Variants in ATP2A1 observed in about 807,000 individuals in gnomAD.
The protein encoded by ATP2A1 is ATPase sarcoplasmic/endoplasmic reticulum Ca2+ transporting 1.
ATP2A1 carries 83 observed loss-of-function variants against 109.5 expected under a neutral mutation model. That is an observed-to-expected ratio of 0.76 (90% confidence interval 0.63 to 0.91). The LOEUF is 0.91. ATP2A1 is among the 40% of genes least tolerant of loss of function. The pLI is 0.00. For synonymous variants in ATP2A1, 505 were observed against 537.6 expected, an observed-to-expected ratio of 0.94 and a Z score of 0.84; for missense variants, 1,101 against 1,341.0, an observed-to-expected ratio of 0.82 and a Z score of 2.80.
Position 28,883,889 on chromosome 16 carries a change from T to G in ATP2A1, c.464-686T>G, listed in dbSNP as rs375105278. On this transcript the variant is annotated intron_variant, in intron 5 of 22. Transcript: ENST00000395503. The surrounding 1 kb of genome is among the most constrained non-coding windows in gnomAD (Gnocchi z 5.2). ...TCCCTGAGATGCTCAGACCGGGCTG[T>G]CAGGTTCCCGATATGTGGTCCTCTC... is the stretch of plus-strand genomic sequence containing the variant. Among the ~76,000 whole-genome samples the G allele has an allele frequency of 3.9e-5, 6 of 152,206 alleles. No homozygotes were observed. In the South Asian group the frequency reaches 1.2e-3, roughly 32 times the overall value.
chr16:28,880,932 G>A lies in ATP2A1; in HGVS notation c.237G>A (p.Glu79=), dbSNP rs867659082. ...CTCCCCAGGTGCTGGCCTGGTTTGA[G>A]GAAGGTGAAGAGACCATCACTGCCT... ...ACISFVLAWF[E]EGEETITAFV... is the part of the protein sequence containing the mutation. Residue 79 remains glutamate (E), a synonymous_variant, in exon 4 of 23, where the codon GAG becomes GAA. Coordinates refer to ENST00000395503, the MANE Select transcript of ATP2A1 (RefSeq NM_004320.6). The surrounding 1 kb of genome is among the most constrained non-coding windows in gnomAD (Gnocchi z 4.2). 1 of 1,614,204 alleles carries A rather than the reference G, an allele frequency of 6.2e-7. No homozygotes were observed. The highest frequency in any genetic ancestry group is 1.1e-5 in the South Asian group (1 of 91,080).
chr16:28,891,662 C>T (rs968494373), intron 9 of ATP2A1, among the ~76,000 whole-genome samples: 6 of 149,896 alleles, frequency 4.0e-5, no homozygotes, highest in Non-Finnish European at 7.4e-5. Context: ...GAGGCCAAGG[C>T]GGACGGATTA....
At chr16:28,892,385 C>T (rs983618292) in intron 9 of ATP2A1, 5 of 386,472 alleles carry the variant, frequency 1.3e-5, no homozygotes, top group Admixed American at 8.4e-5. Context: ...CACCCATGAA[C>T]TAGAAATTGC....
At chr16:28,887,838 T>C (rs1468613485) in intron 8 of ATP2A1, 116 bp downstream of exon 8, 10 of 1,362,812 alleles carry the variant, frequency 7.3e-6, no homozygotes, top group Non-Finnish European at 1.0e-5. Context: ...TCTTGCTCTG[T>C]CACCCAGGCT....
At chr16:28,884,461 C>T in intron 5 of ATP2A1, 114 bp from the exon 6 acceptor site, 1 of 1,047,186 alleles carries the variant, frequency 9.5e-7, no homozygotes, top group Admixed American at 1.9e-5. Flanking sequence ...TGGGAGCCTC[C>T]CTGAGACCTG....
rs552655749 is a variant in ATP2A1 at position 28,900,322 on chromosome 16, T to TA, written c.1765-258dup. 1.3e-4 allele frequency among the ~76,000 whole-genome samples: 20 copies of TA among 151,516 alleles called. No homozygotes were observed. The East Asian group carries it at 3.9e-3, about 29-fold the overall frequency. On this transcript the variant is annotated intron_variant, in intron 14 of 22. Coordinates refer to ENST00000395503, the MANE Select transcript of ATP2A1 (RefSeq NM_004320.6). ...ATACCCTGTCTCAAAAAAAAAAAGA[T>TA]ACGATCTGACCCATGATGGGCCTGG... is the stretch of plus-strand genomic sequence containing the variant.
intron 10 of ATP2A1, 53 bp downstream of exon 10, chr16:28,894,296 C>G (rs1003146865): frequency 9.0e-6 from 14 of 1,547,258 alleles, no homozygotes; most frequent in Non-Finnish European, 1.2e-5. Flanking sequence ...TCCCACACCC[C>G]CTTTCTCCCT....
In ATP2A1 at chr16:28,902,537, A is replaced by G. The variant is rs761993123; in HGVS notation, c.2525-43A>G. On this transcript the variant is annotated intron_variant, in intron 17 of 22. Coordinates refer to ENST00000395503, the MANE Select transcript of ATP2A1 (RefSeq NM_004320.6). This position sits in a 1 kb window ranked among gnomAD's most constrained non-coding sequence, Gnocchi z 4.8. ...AGGCCCTCAACCCTCGATGCCCCCT[A>G]TCTCCCCAGCCCTGACCCCCGACTC... The G allele has an allele frequency of 1.4e-5, 22 of 1,600,106 alleles. No individual in the cohort carries two copies. Among genetic ancestry groups the G allele is most frequent in the Non-Finnish European group, 1.7e-5 (20 of 1,169,766 alleles).
At position 28,902,962 on chromosome 16, in the gene ATP2A1, C is replaced by T. The variant is rs199768873; in HGVS notation, c.2744+51C>T. ...CACCCTCCCCTGAGGCCACTGCCCA[C>T]ATCCTCCACTGTGCCGCCCACCTCC... On this transcript the variant is annotated intron_variant, in intron 19 of 22. Transcript: ENST00000395503. The surrounding 1 kb of genome is among the most constrained non-coding windows in gnomAD (Gnocchi z 4.8). The T allele has an allele frequency of 2.2e-3, 3,552 of 1,613,678 alleles. 4 individuals are homozygous for T. The highest frequency in any genetic ancestry group is 2.8e-3 in the Non-Finnish European group (3,325 of 1,179,918).
At chr16:28,893,713 G>A (rs981129143) in intron 9 of ATP2A1, among the ~76,000 whole-genome samples, 4 of 144,054 alleles carry the variant, frequency 2.8e-5, no homozygotes, top group East Asian at 4.2e-4. Flanking sequence ...GTAATGGCAC[G>A]ATCCTGGCTC....
rs780148626 is a variant in ATP2A1 at position 28,898,224 on chromosome 16, G to C, written c.1546-9G>C. 12 of 1,613,990 alleles carry C rather than the reference G, an allele frequency of 7.4e-6. No individual in the cohort carries two copies. In the South Asian group the frequency reaches 1.3e-4, roughly 18 times the overall value. ...GTGGTGGTCTCTGAATGCTGTTCTGGTCTCCTAGGGTGCCCCTGAGGGCGT... is the reference window on the plus strand; with the variant it reads ...GTGGTGGTCTCTGAATGCTGTTCTGCTCTCCTAGGGTGCCCCTGAGGGCGT... On this transcript the variant is annotated splice_polypyrimidine_tract_variant and intron_variant, in intron 13 of 22. Transcript: ENST00000395503. This position sits in a 1 kb window ranked among gnomAD's most constrained non-coding sequence, Gnocchi z 4.0.
At chr16:28,897,494 T>C (rs1165119170) in intron 12 of ATP2A1, among the ~76,000 whole-genome samples, 1 of 151,972 alleles carries the variant, frequency 6.6e-6, no homozygotes, top group East Asian at 1.9e-4. Context: ...ACTCTGTCTC[T>C]AAAGAAAAAA....
intron 8 of ATP2A1, 68 bp downstream of exon 8, chr16:28,887,790 T>C (rs1424351799): frequency 5.7e-6 from 9 of 1,569,652 alleles, no homozygotes. Context: ...TTCTTTTCTT[T>C]TCTTTTCTTT....
intron 14 of ATP2A1, 78 bp from the exon 15 acceptor site, chr16:28,900,503 C>A: frequency 1.5e-6 from 2 of 1,352,390 alleles, no homozygotes; most frequent in Non-Finnish European, 2.0e-6. Flanking sequence ...TCACCCCATC[C>A]CCACCCCCCA....
rs778571371 is a variant in ATP2A1, at chr16:28,902,276, C to T, written c.2414C>T (p.Thr805Ile). The T allele has an allele frequency of 2.5e-6, 4 of 1,614,046 alleles. No individual in the cohort carries two copies. The highest frequency in any genetic ancestry group is 1.1e-5 in the South Asian group (1 of 91,094). The change falls in exon 17 of 23, where the codon ACA (threonine) becomes ATA (isoleucine). Residue 805 changes from threonine (T) to isoleucine (I), a missense_variant. Thr to Ile is a moderately conservative substitution (Grantham distance 89, BLOSUM62 -1). Transcript: ENST00000395503. The surrounding 1 kb of genome is among the most constrained non-coding windows in gnomAD (Gnocchi z 4.8). ...VNLVTDGLPA[T>I]ALGFNPPDLD... ...TTGGTGACCGACGGGCTCCCAGCCA[C>T]AGCCCTGGGCTTCAACCCACCAGAC...
At chr16:28,889,904 G>A (rs1208430503) in intron 9 of ATP2A1, among the ~76,000 whole-genome samples, 1 of 152,224 alleles carries the variant, frequency 6.6e-6, no homozygotes, top group Non-Finnish European at 1.5e-5. Context: ...AACACTTTGG[G>A]AGGCCAAGAT....
At chr16:28,895,989 G>T (rs933689228) in intron 12 of ATP2A1, among the ~76,000 whole-genome samples, 1 of 152,042 alleles carries the variant, frequency 6.6e-6, no homozygotes, top group Non-Finnish European at 1.5e-5. Context: ...TTGGCCTGTC[G>T]CCCAGGCTGG....
At position 28,900,577 on chromosome 16, in the gene ATP2A1, C is replaced by G. The variant is rs757455246; in HGVS notation, c.1765-4C>G. 58 of 1,558,756 alleles carry G rather than the reference C, an allele frequency of 3.7e-5. No individual in the cohort carries two copies. Among genetic ancestry groups the G allele is most frequent in the Non-Finnish European group, 4.8e-5 (55 of 1,149,772 alleles). ...ACCTGTGGCTCTCTGCTGTATCTCC[C>G]CAGACGGACCTGACATTCGTGGGTG... On this transcript the variant is annotated splice_polypyrimidine_tract_variant and splice_region_variant and intron_variant, in intron 14 of 22. Transcript: ENST00000395503.
intron 9 of ATP2A1, among the ~76,000 whole-genome samples, chr16:28,893,937 G>A (rs1372982129): frequency 1.9e-4 from 29 of 152,038 alleles, no homozygotes; most frequent in Admixed American, 1.8e-3. Flanking sequence ...GAGCCACCTC[G>A]CCCAGCCTCA....
Sources: gnomAD v4.1 joint callset for allele counts (sites outside exome capture counted in the v4.1 genomes callset) on GRCh38, gnomAD v4.1.1 for gene constraint, Gnocchi (gnomAD v3.1) non-coding constraint, MANE v1.5 for transcripts, NCBI Gene and HGNC (gene_info 2026-07-23, HGNC 2026-07-21) for gene names.